The following ZBTB16 variants were observed in gnomAD, a reference collection of about 807,000 sequenced individuals.
ZBTB16 encodes zinc finger and BTB domain-containing protein 16.
Under a neutral mutation model 56.8 loss-of-function variants are expected in ZBTB16, and 8 were observed. That is an observed-to-expected ratio of 0.14 (90% confidence interval 0.08 to 0.25). The LOEUF (loss-of-function observed/expected upper bound fraction) is 0.25. Among genes scored for constraint, ZBTB16 ranks in the 10% least tolerant of loss-of-function variants. The pLI is 1.00. For synonymous variants in ZBTB16, 363 were observed against 368.5 expected, an observed-to-expected ratio of 0.98 and a Z score of 0.17; for missense variants, 625 against 903.0, an observed-to-expected ratio of 0.69 and a Z score of 3.95.
chr11:114,246,042 C>T (rs1186036873), intron 5 of ZBTB16, among the ~76,000 whole-genome samples: 1 of 152,128 alleles, frequency 6.6e-6, no homozygotes, highest in African/African-American at 2.4e-5. Flanking sequence ...ATATGAAAGG[C>T]AAGATGGTTA....
intron 4 of ZBTB16, among the ~76,000 whole-genome samples, chr11:114,195,058 A>G (rs1943574691): frequency 6.6e-6 from 1 of 152,254 alleles, no homozygotes; most frequent in Non-Finnish European, 1.5e-5. Context: ...CTCTTTATTC[A>G]AAGTCAAACT....
chr11:114,156,684 T>G (rs1261406599), intron 3 of ZBTB16, among the ~76,000 whole-genome samples: 1 of 152,222 alleles, frequency 6.6e-6, no homozygotes, highest in Non-Finnish European at 1.5e-5. Flanking sequence ...CAGTGCCCTG[T>G]GTGATCTACC....
intron 2 of ZBTB16, among the ~76,000 whole-genome samples, chr11:114,148,683 CG>C (rs1565652166): frequency 6.6e-6 from 1 of 151,282 alleles, no homozygotes; most frequent in Non-Finnish European, 1.5e-5. Flanking sequence ...TTAGTAGAGA[CG>C]GGGTTTCACC....
intron 4 of ZBTB16, among the ~76,000 whole-genome samples, chr11:114,208,584 C>A (rs1449086673): frequency 6.6e-6 from 1 of 152,164 alleles, no homozygotes; most frequent in East Asian, 1.9e-4. Flanking sequence ...CTGTCATGGG[C>A]TCTGGCTTCA....
chr11:114,066,174 G>A (rs1352701122), intron 2 of ZBTB16, among the ~76,000 whole-genome samples: 2 of 152,194 alleles, frequency 1.3e-5, no homozygotes, highest in Non-Finnish European at 2.9e-5. Context: ...TACGGGGGAT[G>A]TGAGTGAGAG....
At chr11:114,216,690 C>T (rs1176080571) in intron 4 of ZBTB16, among the ~76,000 whole-genome samples, 2 of 152,208 alleles carry the variant, frequency 1.3e-5, no homozygotes, top group Non-Finnish European at 2.9e-5. Flanking sequence ...GAAGTCACCT[C>T]CCCTTACCCC....
At chr11:114,127,520 C>T (rs570435577) in intron 2 of ZBTB16, among the ~76,000 whole-genome samples, 45 of 152,322 alleles carry the variant, frequency 3.0e-4, no homozygotes, top group African/African-American at 1.1e-3. Flanking sequence ...CATGCATACA[C>T]ACATACACAC....
In ZBTB16 at chr11:114,123,528, C is replaced by T. The variant is rs557502029; in HGVS notation, c.1269-32809C>T. Among the ~76,000 whole-genome samples, 9 of 152,004 alleles carry T rather than the reference C, an allele frequency of 5.9e-5. No homozygotes were observed. The South Asian group carries it at 1.7e-3, about 28-fold the overall frequency. On this transcript the variant is annotated intron_variant, in intron 2 of 6. Coordinates refer to ENST00000335953, the MANE Select transcript of ZBTB16 (RefSeq NM_006006.6). ...ATATATACATATATGTATGTATGCA[C>T]ATGTCTGTCTGTGTGTATGTAATTA...
chr11:114,101,885 G>A (rs530770115), intron 2 of ZBTB16, among the ~76,000 whole-genome samples: 4 of 152,354 alleles, frequency 2.6e-5, no homozygotes, highest in South Asian at 4.1e-4. Context: ...GTGTTACAGT[G>A]GTGATAAAGA....
chr11:114,164,342 C>T (rs774370511), intron 3 of ZBTB16, among the ~76,000 whole-genome samples: 3 of 152,214 alleles, frequency 2.0e-5, no homozygotes, highest in Non-Finnish European at 2.9e-5. Context: ...CATGCCACCA[C>T]ATGATTTTGC....
chr11:114,124,556 CCAA>C (rs767232262), intron 2 of ZBTB16, among the ~76,000 whole-genome samples: 16,172 of 79,532 alleles, frequency 0.2, 1,068 homozygotes, highest in Admixed American at 0.28. Context: ...AAAAAAAAAA[CCAA>C]AAAAAAAAAA....
intron 3 of ZBTB16, among the ~76,000 whole-genome samples, chr11:114,167,890 C>T (rs1429647803): frequency 2.6e-5 from 4 of 152,314 alleles, no homozygotes; most frequent in Admixed American, 6.5e-5. Context: ...CATGCTAGGC[C>T]TGGTGCCCGA....
In ZBTB16 at chr11:114,247,107, G is replaced by A. The variant is rs1001629638; in HGVS notation, c.1625-91G>A. On this transcript the variant is annotated intron_variant, in intron 5 of 6. Coordinates refer to ENST00000335953, the MANE Select transcript of ZBTB16 (RefSeq NM_006006.6). ...TTGGAGGTGGTGAATACAGGCCGTC[G>A]CATCCTTCTCATGCACAGAATGTGC... 6.4e-5 allele frequency: 101 copies of A among 1,575,848 alleles called. No individual in the cohort carries two copies. The East Asian group carries it at 8.5e-4, about 13-fold the overall frequency.
At chr11:114,215,354 A>G (rs1407100131) in intron 4 of ZBTB16, among the ~76,000 whole-genome samples, 2 of 152,150 alleles carry the variant, frequency 1.3e-5, no homozygotes, top group Admixed American at 6.5e-5. Flanking sequence ...ATTGAGGATC[A>G]GGCTCGGGTT....
intron 3 of ZBTB16, among the ~76,000 whole-genome samples, chr11:114,173,758 CA>C (rs1403885284): frequency 4.6e-5 from 7 of 152,182 alleles, no homozygotes; most frequent in Non-Finnish European, 1.0e-4. Flanking sequence ...AAGATGTAAT[CA>C]AAGGACTTTT....
At chr11:114,158,082 T>A (rs751293024) in intron 3 of ZBTB16, among the ~76,000 whole-genome samples, 13 of 152,078 alleles carry the variant, frequency 8.5e-5, no homozygotes, top group Non-Finnish European at 1.8e-4. Flanking sequence ...AGGTTCAGAG[T>A]GTGGCGGGTT....
At position 114,070,117 on chromosome 11, in the gene ZBTB16, T is replaced by C. The variant is rs1242251955; in HGVS notation, c.1268+5549T>C. ...TTCTTTTTTTTTTTTTTTTTTTTTT[T>C]TTGAGACGGAGTCTCGCTCTGTCGC... On this transcript the variant is annotated intron_variant, in intron 2 of 6. Transcript: ENST00000335953. 1.1e-4 allele frequency among the ~76,000 whole-genome samples: 14 copies of C among 123,810 alleles called. No individual in the cohort carries two copies. In the Admixed American group the frequency reaches 1.2e-3, roughly 10 times the overall value. The allele number at this position is 123,810 out of a possible 152,430, so 81.2% of individuals were successfully genotyped here.
chr11:114,226,519 A>G (rs1944331106), intron 4 of ZBTB16, among the ~76,000 whole-genome samples: 1 of 152,218 alleles, frequency 6.6e-6, no homozygotes, highest in South Asian at 2.1e-4. Context: ...GGAGGTACCT[A>G]AGAAACAAAA....
At position 114,254,813 on chromosome 11, in the gene ZBTB16, C is replaced by T. The variant is rs1230811698; in HGVS notation, c.*4258C>T. 6.6e-6 allele frequency among the ~76,000 whole-genome samples: 1 copy of T among 152,010 alleles called. No homozygotes were observed. Among genetic ancestry groups the T allele is most frequent in the Non-Finnish European group, 1.5e-5 (1 of 68,020 alleles). Reference sequence around the variant, plus strand: ...GATGAAAGGCGAGACTCACCCTACGCGGTGGGACAGATGGGGAGAGGAAAA... The same window carrying T: ...GATGAAAGGCGAGACTCACCCTACGTGGTGGGACAGATGGGGAGAGGAAAA... On this transcript the variant is annotated 3_prime_UTR_variant, in exon 7 of 7. Coordinates refer to ENST00000335953, the MANE Select transcript of ZBTB16 (RefSeq NM_006006.6).
Sources: gnomAD v4.1 joint callset for allele counts (sites outside exome capture counted in the v4.1 genomes callset) on GRCh38, gnomAD v4.1.1 for gene constraint, MANE v1.5 for transcripts, NCBI Gene and HGNC (gene_info 2026-07-23, HGNC 2026-07-21) for gene names.